Variants in CNTNAP5 observed in about 807,000 individuals in gnomAD.
The protein encoded by CNTNAP5 is contactin associated protein family member 5.
CNTNAP5 carries 72 observed loss-of-function variants against 150.2 expected under a neutral mutation model. The ratio of observed to expected loss-of-function variants is 0.48; its 90% CI spans 0.40 to 0.58. The LOEUF (loss-of-function observed/expected upper bound fraction) is 0.58. CNTNAP5 is among the 20% of genes least tolerant of loss of function. The pLI is 0.00. For missense variants in CNTNAP5, 1,636 were observed against 1,626.2 expected, an observed-to-expected ratio of 1.01 and a Z score of -0.10; for synonymous variants, 672 against 619.8, an observed-to-expected ratio of 1.08 and a Z score of -1.25.
At chr2:124,758,870 C>G (rs1680897439) in intron 14 of CNTNAP5, among the ~76,000 whole-genome samples, 1 of 152,100 alleles carries the variant, frequency 6.6e-6, no homozygotes, top group Admixed American at 6.6e-5. Context: ...GAGGATTGCT[C>G]AAGCCAAGAG....
At position 124,498,238 on chromosome 2, in the gene CNTNAP5, T is replaced by C. The variant is rs1003505405; in HGVS notation, c.1063-6054T>C. ...CGGTTTGCTTCTGGTTTTCATTGCA[T>C]AGTCCCTGAACTGGCACCTGTCTAA... On this transcript the variant is annotated intron_variant, in intron 7 of 23. Transcript: ENST00000682447. Among the ~76,000 whole-genome samples, 53 of 152,220 alleles carry C rather than the reference T, an allele frequency of 3.5e-4. 2 individuals carry two copies. Among genetic ancestry groups the C allele is most frequent in the African/African-American group, 1.2e-3 (48 of 41,454 alleles).
At chr2:124,739,080 G>T (rs1361067866) in intron 13 of CNTNAP5, among the ~76,000 whole-genome samples, 6 of 152,132 alleles carry the variant, frequency 3.9e-5, no homozygotes, top group African/African-American at 7.2e-5. Flanking sequence ...AGCTTGAAAT[G>T]ATCCCATCAA....
chr2:124,490,444 GAGAA>G (rs956181335), intron 7 of CNTNAP5, among the ~76,000 whole-genome samples: 36 of 151,806 alleles, frequency 2.4e-4, no homozygotes, highest in African/African-American at 7.7e-4. Context: ...GAAAGGGAAA[GAGAA>G]AGAAAGAGCA....
chr2:124,569,594 C>T (rs9653397), intron 11 of CNTNAP5, among the ~76,000 whole-genome samples: 2,380 of 152,276 alleles, frequency 0.016, 59 homozygotes, highest in African/African-American at 0.054. Flanking sequence ...TTGATCTTCT[C>T]GATGTTTATG....
Position 124,733,163 on chromosome 2 carries a change from CAT to C in CNTNAP5, c.2078-14064_2078-14063del, listed in dbSNP as rs374399723. On this transcript the variant is annotated intron_variant, in intron 13 of 23. Transcript: ENST00000682447. Reference sequence around the variant, plus strand: ...TATATTCTAAACACACACACACACACATAGCACAGTAGGTAATAAATATTCTT... The same window carrying C: ...TATATTCTAAACACACACACACACACAGCACAGTAGGTAATAAATATTCTT... 5.3e-5 allele frequency among the ~76,000 whole-genome samples: 8 copies of C among 152,190 alleles called. 1 individual carries two copies. The highest frequency in any genetic ancestry group is 1.7e-4 in the African/African-American group (7 of 41,524).
intron 11 of CNTNAP5, among the ~76,000 whole-genome samples, chr2:124,586,797 A>G (rs1202418163): frequency 2.0e-5 from 3 of 152,210 alleles, no homozygotes; most frequent in African/African-American, 4.8e-5. Context: ...GAAGCTAACT[A>G]CAGGGAACAT....
chr2:124,525,670 G>T (rs1694948121), intron 9 of CNTNAP5, among the ~76,000 whole-genome samples: 1 of 152,038 alleles, frequency 6.6e-6, no homozygotes, highest in African/African-American at 2.4e-5. Context: ...GGTGAGGAAG[G>T]GCCTGTGACC....
intron 8 of CNTNAP5, among the ~76,000 whole-genome samples, chr2:124,523,020 A>G (rs1694883430): frequency 6.6e-6 from 1 of 152,138 alleles, no homozygotes. Context: ...AACTCAAAAG[A>G]CGTTATTTTA....
intron 3 of CNTNAP5, among the ~76,000 whole-genome samples, chr2:124,396,502 AAT>A (rs1691247725): frequency 2.0e-5 from 3 of 152,324 alleles, no homozygotes; most frequent in Admixed American, 2.0e-4. Flanking sequence ...TGCTTTAATA[AAT>A]ACGTTGTAAA....
At chr2:124,413,875 G>A (rs1691843797) in intron 3 of CNTNAP5, among the ~76,000 whole-genome samples, 1 of 144,324 alleles carries the variant, frequency 6.9e-6, no homozygotes, top group Non-Finnish European at 1.5e-5. Flanking sequence ...AAAACTTAAA[G>A]TATAATAAAA....
chr2:124,200,721 G>A (rs890357683), intron 1 of CNTNAP5, among the ~76,000 whole-genome samples: 1 of 152,278 alleles, frequency 6.6e-6, no homozygotes, highest in Admixed American at 6.5e-5. Context: ...GAAGCTGCAG[G>A]CACTTATGTC....
chr2:124,089,058 G>T (rs190052562), intron 1 of CNTNAP5, among the ~76,000 whole-genome samples: 2 of 151,968 alleles, frequency 1.3e-5, no homozygotes, highest in South Asian at 2.1e-4. Context: ...TTCTAGCTTC[G>T]TCAACTCAGA....
In CNTNAP5 at chr2:124,844,992, T is replaced by C. The variant is rs1683018331; in HGVS notation, c.3218-20314T>C. On this transcript the variant is annotated intron_variant, in intron 19 of 23. Transcript: ENST00000682447. ...ATTTCTTTCTCTTGTCTGATTGCTG[T>C]GGCTAGGACTTCCATTACTATGTTA... Among the ~76,000 whole-genome samples, 3 of 152,228 alleles carry C rather than the reference T, an allele frequency of 2.0e-5. No homozygotes were observed. In the South Asian group the frequency reaches 6.2e-4, roughly 32 times the overall value.
At chr2:124,147,817 T>A (rs1684292040) in intron 1 of CNTNAP5, among the ~76,000 whole-genome samples, 1 of 152,196 alleles carries the variant, frequency 6.6e-6, no homozygotes, top group African/African-American at 2.4e-5. Flanking sequence ...GTTCCTCTTC[T>A]CCAAGATAAT....
At chr2:124,425,506 T>C (rs1692216853) in intron 4 of CNTNAP5, among the ~76,000 whole-genome samples, 1 of 152,212 alleles carries the variant, frequency 6.6e-6, no homozygotes, top group Non-Finnish European at 1.5e-5. Flanking sequence ...CTAAGATTTC[T>C]GAAACCTCAT....
chr2:124,832,285 T>C (rs1293257866), intron 19 of CNTNAP5, among the ~76,000 whole-genome samples: 1 of 152,122 alleles, frequency 6.6e-6, no homozygotes, highest in Non-Finnish European at 1.5e-5. Flanking sequence ...AACTTACTAA[T>C]TCATGAGTGC....
intron 1 of CNTNAP5, among the ~76,000 whole-genome samples, chr2:124,174,583 C>T (rs1308307979): frequency 6.6e-6 from 1 of 152,128 alleles, no homozygotes; most frequent in Non-Finnish European, 1.5e-5. Context: ...TGAATTGCTG[C>T]AATTTCATGA....
At chr2:124,826,345 A>G (rs1326785635) in intron 19 of CNTNAP5, among the ~76,000 whole-genome samples, 1 of 151,974 alleles carries the variant, frequency 6.6e-6, no homozygotes, top group Non-Finnish European at 1.5e-5. Context: ...TAGAGGTTCA[A>G]ATTTTGATTG....
chr2:124,068,451 C>T lies in CNTNAP5; in HGVS notation c.82+42719C>T, dbSNP rs199663049. Reference sequence around the variant, plus strand: ...GAATTACTCAGCCCTGAGGCTGCAACTTGAGTTTCTTAGAAGCCTCACCTT... The same window carrying T: ...GAATTACTCAGCCCTGAGGCTGCAATTTGAGTTTCTTAGAAGCCTCACCTT... On this transcript the variant is annotated intron_variant, in intron 1 of 23. Coordinates refer to ENST00000682447, the MANE Select transcript of CNTNAP5 (RefSeq NM_001367498.1). 3.3e-5 allele frequency among the ~76,000 whole-genome samples: 5 copies of T among 152,268 alleles called. No homozygotes were observed. The East Asian group carries it at 7.8e-4, about 24-fold the overall frequency.
Sources: allele counts gnomAD v4.1 joint callset (sites outside exome capture counted in the v4.1 genomes callset), GRCh38; gene constraint gnomAD v4.1.1; transcripts MANE v1.5; gene names NCBI Gene and HGNC (gene_info 2026-07-23, HGNC 2026-07-21).